ARHGAP25: variants seen among roughly 807,000 people sequenced by gnomAD.
ARHGAP25 encodes the protein rho GTPase-activating protein 25.
A neutral mutation model predicts 71.0 loss-of-function variants in ARHGAP25; 34 were observed. The ratio of observed to expected loss-of-function variants is 0.48; its 90% CI spans 0.36 to 0.64. ARHGAP25 has a LOEUF of 0.64. Ranked by LOEUF, ARHGAP25 falls within the 30% of genes least tolerant of loss-of-function variation. The pLI is 0.00. For missense variants in ARHGAP25, 706 were observed against 805.1 expected (o/e 0.88, Z 1.49); for synonymous variants, 282 against 296.5 (o/e 0.95, Z 0.50).
chr2:68,802,234 C>T (rs1367455626), intron 4 of ARHGAP25, among the ~76,000 whole-genome samples: 6 of 74,552 alleles, frequency 8.0e-5, no homozygotes, highest in Admixed American at 2.8e-4. Flanking sequence ...CGGAGAAACC[C>T]CGTCTCTACT....
At chr2:68,808,974 G>C (rs2103637402) in intron 5 of ARHGAP25, among the ~76,000 whole-genome samples, 1 of 152,200 alleles carries the variant, frequency 6.6e-6, no homozygotes, top group African/African-American at 2.4e-5. Flanking sequence ...TGAGGGGTAG[G>C]GTTTTTACAC....
At chr2:68,725,496 T>C (rs1674862838) in intron 2 of ARHGAP25, among the ~76,000 whole-genome samples, 1 of 151,952 alleles carries the variant, frequency 6.6e-6, no homozygotes, top group African/African-American at 2.4e-5. Context: ...GGCCAATTTT[T>C]TTCTTTTCTT....
intron 2 of ARHGAP25, among the ~76,000 whole-genome samples, chr2:68,717,295 A>AT (rs1443091977): frequency 6.6e-6 from 1 of 152,214 alleles, no homozygotes; most frequent in Non-Finnish European, 1.5e-5. Context: ...AAATGTCTTT[A>AT]TGTGGCACAT....
chr2:68,748,430 G>A (rs1015549834), intron 1 of ARHGAP25, among the ~76,000 whole-genome samples: 4 of 152,110 alleles, frequency 2.6e-5, no homozygotes, highest in South Asian at 2.1e-4. Context: ...TGCCTGAAAC[G>A]ATCTCATTCC....
rs561755741 is a variant in ARHGAP25, at chr2:68,747,667, C to T, written c.61+12407C>T. Among the ~76,000 whole-genome samples the T allele has an allele frequency of 2.0e-5, 3 of 152,160 alleles. No individual in the cohort carries two copies. The South Asian group carries it at 6.2e-4, about 32-fold the overall frequency. ...ACGGGCTTCCCTCCCCCAGTGTGTC[C>T]AACACAGAATTCTGAATCATCCCTC... is the stretch of plus-strand genomic sequence containing the variant. On this transcript the variant is annotated intron_variant, in intron 1 of 10. Transcript: ENST00000409202.
At chr2:68,793,506 T>C (rs1308753460) in intron 4 of ARHGAP25, among the ~76,000 whole-genome samples, 1 of 152,200 alleles carries the variant, frequency 6.6e-6, no homozygotes, top group Admixed American at 6.5e-5. Context: ...AATCAGATTT[T>C]CCCAGAACCA....
intron 4 of ARHGAP25, among the ~76,000 whole-genome samples, chr2:68,798,400 C>T (rs1679727468): frequency 6.6e-6 from 1 of 152,002 alleles, no homozygotes; most frequent in Non-Finnish European, 1.5e-5. Flanking sequence ...CTCCTAACAA[C>T]AGACAGATAC....
intron 2 of ARHGAP25, among the ~76,000 whole-genome samples, chr2:68,723,988 C>G (rs576924613): frequency 2.0e-5 from 3 of 152,080 alleles, no homozygotes; most frequent in African/African-American, 7.2e-5. Context: ...ATTCTCCCAC[C>G]TCGGCTACCT....
intron 4 of ARHGAP25, among the ~76,000 whole-genome samples, chr2:68,805,826 CG>C (rs1164943464): frequency 6.6e-6 from 1 of 152,100 alleles, no homozygotes; most frequent in Non-Finnish European, 1.5e-5. Flanking sequence ...ACTTTGCAAA[CG>C]GATGTCCTAG....
intron 2 of ARHGAP25, chr2:68,775,655 G>A (rs1390142371): frequency 4.4e-6 from 3 of 675,906 alleles, no homozygotes; most frequent in Admixed American, 2.1e-5. Flanking sequence ...CCTACACATG[G>A]CTCTGAGTCA....
intron 1 of ARHGAP25, among the ~76,000 whole-genome samples, chr2:68,760,251 C>T (rs1676721845): frequency 6.6e-6 from 1 of 151,950 alleles, no homozygotes; most frequent in African/African-American, 2.4e-5. Context: ...TTGAAAGACT[C>T]CAAGCTTTTA....
At chr2:68,803,954 G>A (rs772959684) in intron 4 of ARHGAP25, among the ~76,000 whole-genome samples, 3 of 152,218 alleles carry the variant, frequency 2.0e-5, no homozygotes, top group Non-Finnish European at 2.9e-5. Flanking sequence ...CAATATGGTT[G>A]TGCATGGTCT....
Position 68,826,824 on chromosome 2 carries a change from A to T in ARHGAP25, c.*630A>T, listed in dbSNP as rs112836177. The T allele has an allele frequency of 0.011, 1,498 of 142,256 alleles. 18 individuals are homozygous for T. The highest frequency in any genetic ancestry group is 0.04 in the African/African-American group (1,297 of 32,632). The allele number at this position is 142,256 out of a possible 1,614,324, so 8.8% of individuals were successfully genotyped here. On this transcript the variant is annotated 3_prime_UTR_variant, in exon 11 of 11. Coordinates refer to ENST00000409202, the MANE Select transcript of ARHGAP25 (RefSeq NM_001007231.3). ...ATTATATTCAAATAAAGCAAAAATTAAAAAAAAAAGGCTATTGCTAATCCA... is the reference window on the plus strand; with the variant it reads ...ATTATATTCAAATAAAGCAAAAATTTAAAAAAAAAGGCTATTGCTAATCCA...
intron 3 of ARHGAP25, among the ~76,000 whole-genome samples, chr2:68,782,574 G>A (rs74897953): frequency 0.044 from 6,771 of 152,272 alleles, 173 homozygotes; most frequent in Admixed American, 0.074. Flanking sequence ...TTTCATGAGC[G>A]TGTGCTAGGA....
chr2:68,746,481 G>A (rs191639101), intron 1 of ARHGAP25, among the ~76,000 whole-genome samples: 7 of 152,268 alleles, frequency 4.6e-5, no homozygotes, highest in African/African-American at 1.7e-4. Flanking sequence ...GACCATCTGA[G>A]ATTGTGAAAT....
intron 1 of ARHGAP25, among the ~76,000 whole-genome samples, chr2:68,750,883 T>G (rs1222142667): frequency 6.6e-6 from 1 of 152,196 alleles, no homozygotes; most frequent in Non-Finnish European, 1.5e-5. Context: ...AGGTGAAAGC[T>G]TTTTGCTTAT....
At chr2:68,774,595 C>T (rs528792316) in intron 1 of ARHGAP25, among the ~76,000 whole-genome samples, 2 of 152,326 alleles carry the variant, frequency 1.3e-5, no homozygotes, top group South Asian at 4.1e-4. Context: ...TGGCACTGGG[C>T]AGGAGAATTC....
chr2:68,758,943 A>G (rs7560103), intron 1 of ARHGAP25, among the ~76,000 whole-genome samples: 4,754 of 152,082 alleles, frequency 0.031, 252 homozygotes, highest in African/African-American at 0.11. Context: ...GAAATTAATA[A>G]AAGAAGGAAT....
rs1054844576 is a variant in ARHGAP25 at position 68,819,788 on chromosome 2, C to T, written c.1200+469C>T. On this transcript the variant is annotated intron_variant, in intron 9 of 10. Transcript: ENST00000409202. ...TTTCTCATTCCTCGATAAGCCGTCT[C>T]AGCCATGTCAGCCCCCACATTTGTG... 1.9e-5 allele frequency: 6 copies of T among 321,570 alleles called. No individual in the cohort carries two copies. The South Asian group carries it at 4.9e-4, about 26-fold the overall frequency. The allele number at this position is 321,570 out of a possible 1,614,324, so 19.9% of individuals were successfully genotyped here.
Sources: gnomAD v4.1 joint callset for allele counts (sites outside exome capture counted in the v4.1 genomes callset) on GRCh38, gnomAD v4.1.1 for gene constraint, MANE v1.5 for transcripts, NCBI Gene and HGNC (gene_info 2026-07-23, HGNC 2026-07-21) for gene names.